DNAAF4: variants seen among roughly 807,000 people sequenced by gnomAD.
The protein encoded by DNAAF4 is dynein axonemal assembly factor 4.
A neutral mutation model predicts 51.8 loss-of-function variants in DNAAF4; 43 were observed. The ratio of observed to expected loss-of-function variants is 0.83; its 90% CI spans 0.65 to 1.07. The LOEUF is 1.07. Among genes scored for constraint, DNAAF4 ranks in the 50% least tolerant of loss-of-function variants. The pLI, the probability that DNAAF4 is intolerant of heterozygous loss-of-function variation, is 0.00. For missense variants in DNAAF4, 581 were observed against 493.0 expected, an observed-to-expected ratio of 1.18 and a Z score of -1.69; for synonymous variants, 194 against 165.6, an observed-to-expected ratio of 1.17 and a Z score of -1.32.
At chr15:55,418,499 A>C (rs200637258) in intron 7 of DNAAF4, 3 of 1,528,026 alleles carry the variant, frequency 2.0e-6, no homozygotes, top group Non-Finnish European at 2.6e-6. Flanking sequence ...ATTTTATCAA[A>C]ATAACACTCT....
rs576406657 is a variant in DNAAF4, at chr15:55,455,830, G to C, written c.638-5463C>G. ...AGGTTTCAGATGCAGACCAGATCTG[G>C]GTTCAAATCCCACAAGTTTACTTAT... On this transcript the variant is annotated intron_variant, in intron 5 of 9. Coordinates refer to ENST00000321149, the MANE Select transcript of DNAAF4 (RefSeq NM_130810.4). 5.3e-5 allele frequency among the ~76,000 whole-genome samples: 8 copies of C among 152,018 alleles called. No homozygotes were observed. In the South Asian group the frequency reaches 1.7e-3, roughly 32 times the overall value.
intron 5 of DNAAF4, among the ~76,000 whole-genome samples, chr15:55,460,472 G>A (rs946902664): frequency 3.3e-5 from 5 of 151,934 alleles, no homozygotes; most frequent in African/African-American, 7.2e-5. Flanking sequence ...GAGCCACCGC[G>A]CCCGGCCGGA....
rs2058053088 is a variant in DNAAF4, at chr15:55,458,665, C to T, written c.637+8265G>A. On this transcript the variant is annotated intron_variant, in intron 5 of 9. Coordinates refer to ENST00000321149, the MANE Select transcript of DNAAF4 (RefSeq NM_130810.4). ...TCCATGGTCTTGCTAGAGATCTAGA[C>T]ATCCAAATACAAGAAGCTCAAAGAA... Among the ~76,000 whole-genome samples the T allele has an allele frequency of 2.0e-5, 3 of 152,252 alleles. No individual in the cohort carries two copies. The South Asian group carries it at 6.2e-4, about 32-fold the overall frequency.
chr15:55,494,583 T>C (rs762529694), intron 3 of DNAAF4, among the ~76,000 whole-genome samples: 1 of 151,970 alleles, frequency 6.6e-6, no homozygotes, highest in Admixed American at 6.6e-5. Context: ...GACGAAGTTT[T>C]GTATTTTTAG....
intron 4 of DNAAF4, among the ~76,000 whole-genome samples, chr15:55,470,171 C>G (rs894749254): frequency 6.6e-6 from 1 of 152,048 alleles, no homozygotes; most frequent in Non-Finnish European, 1.5e-5. Flanking sequence ...CCTGCCTCAG[C>G]CTCCTGAGTA....
chr15:55,483,832 G>GTTTT (rs2058445678), intron 4 of DNAAF4, among the ~76,000 whole-genome samples: 1 of 46,304 alleles, frequency 2.2e-5, no homozygotes, highest in South Asian at 8.1e-4. Context: ...AGCCAATAAA[G>GTTTT]CTTTTTTTTT....
At chr15:55,433,169 G>C (rs375967455) in intron 8 of DNAAF4, among the ~76,000 whole-genome samples, 7 of 152,086 alleles carry the variant, frequency 4.6e-5, no homozygotes, top group Non-Finnish European at 8.8e-5. Flanking sequence ...ATGTGGTAGC[G>C]GGCACCTGTA....
intron 4 of DNAAF4, among the ~76,000 whole-genome samples, chr15:55,468,791 G>C (rs564316866): frequency 1.3e-5 from 2 of 152,212 alleles, no homozygotes; most frequent in African/African-American, 4.8e-5. Flanking sequence ...AAAATAACAG[G>C]AAAGTTCTGG....
At chr15:55,452,750 C>A (rs1046907076) in intron 5 of DNAAF4, among the ~76,000 whole-genome samples, 2 of 152,180 alleles carry the variant, frequency 1.3e-5, no homozygotes, top group Non-Finnish European at 2.9e-5. Flanking sequence ...GCTTCATCAT[C>A]GAACTTAAAG....
At chr15:55,446,505 G>A (rs148260434) in intron 6 of DNAAF4, among the ~76,000 whole-genome samples, 7,542 of 146,076 alleles carry the variant, frequency 0.052, 286 homozygotes, top group South Asian at 0.094. Context: ...GGGGTGGCCA[G>A]GCAGAGGTGC....
In DNAAF4 at chr15:55,498,363, T is replaced by C. The variant is rs950822060; in HGVS notation, c.-34A>G. 5.7e-6 allele frequency: 9 copies of C among 1,588,848 alleles called. 1 individual carries two copies. ...CAACGGGAGCGGATAGCGCGGCTGGTTGCTTCTTGCGCCTGCTTGGTTGCT... is the reference window on the plus strand; with the variant it reads ...CAACGGGAGCGGATAGCGCGGCTGGCTGCTTCTTGCGCCTGCTTGGTTGCT... On this transcript the variant is annotated 5_prime_UTR_variant, in exon 2 of 10. Transcript: ENST00000321149.
At chr15:55,487,335 A>C (rs1446385951) in intron 4 of DNAAF4, among the ~76,000 whole-genome samples, 1 of 152,110 alleles carries the variant, frequency 6.6e-6, no homozygotes, top group Non-Finnish European at 1.5e-5. Context: ...AAATGCACCA[A>C]TCAGTGCTCT....
At chr15:55,457,450 G>A (rs2058037009) in intron 5 of DNAAF4, among the ~76,000 whole-genome samples, 2 of 152,108 alleles carry the variant, frequency 1.3e-5, no homozygotes, top group Admixed American at 6.5e-5. Flanking sequence ...GCCCCCACCT[G>A]ATGGGGCAAG....
chr15:55,423,823 T>G (rs951911851), intron 7 of DNAAF4, among the ~76,000 whole-genome samples: 3 of 152,146 alleles, frequency 2.0e-5, no homozygotes, highest in Admixed American at 1.3e-4. Flanking sequence ...GCACAGTGTC[T>G]CACACCTGTA....
rs2057513916 is a variant in DNAAF4, at chr15:55,432,615, A to G, written c.1048-13T>C. The G allele has an allele frequency of 1.3e-6, 2 of 1,588,226 alleles. No homozygotes were observed. Among genetic ancestry groups the G allele is most frequent in the South Asian group, 1.1e-5 (1 of 87,538 alleles). ...ATAATTCCAGTGCCTTACAAAATATATATAATTATTACAAGAAAGTTATAG... is the reference window on the plus strand; with the variant it reads ...ATAATTCCAGTGCCTTACAAAATATGTATAATTATTACAAGAAAGTTATAG... On this transcript the variant is annotated splice_polypyrimidine_tract_variant and intron_variant, in intron 8 of 9. Coordinates refer to ENST00000321149, the MANE Select transcript of DNAAF4 (RefSeq NM_130810.4).
At chr15:55,452,103 T>C (rs2057941828) in intron 5 of DNAAF4, among the ~76,000 whole-genome samples, 1 of 150,650 alleles carries the variant, frequency 6.6e-6, no homozygotes, top group Non-Finnish European at 1.5e-5. Context: ...AAAAAATTAG[T>C]CAGGGGTGGT....
chr15:55,488,455 AAC>A (rs765954529), intron 4 of DNAAF4, among the ~76,000 whole-genome samples: 4 of 152,228 alleles, frequency 2.6e-5, no homozygotes, highest in Admixed American at 6.5e-5. Flanking sequence ...TTCTTTTCTT[AAC>A]AGTGTCTAGG....
At chr15:55,501,669 C>T (rs184093898) in intron 1 of DNAAF4, among the ~76,000 whole-genome samples, 7 of 152,030 alleles carry the variant, frequency 4.6e-5, no homozygotes, top group South Asian at 2.1e-4. Context: ...GCCACCACGC[C>T]GGGCCAGGAT....
Position 55,466,925 on chromosome 15 carries a change from T to C in DNAAF4, c.637+5A>G. The C allele has an allele frequency of 6.3e-7, 1 of 1,582,670 alleles. No homozygotes were observed. Among genetic ancestry groups the C allele is most frequent in the Non-Finnish European group, 8.5e-7 (1 of 1,172,864 alleles). On this transcript the variant is annotated splice_donor_5th_base_variant and intron_variant, in intron 5 of 9. Coordinates refer to ENST00000321149, the MANE Select transcript of DNAAF4 (RefSeq NM_130810.4). The stretch of plus-strand genomic sequence containing the variant: ...CACTACTCAAGAAATTCTTAATCAT[T>C]TTACCTTTTGGAGCAAGATTTCTAG...
Sources: allele counts gnomAD v4.1 joint callset (sites outside exome capture counted in the v4.1 genomes callset), GRCh38; gene constraint gnomAD v4.1.1; transcripts MANE v1.5; gene names NCBI Gene and HGNC (gene_info 2026-07-23, HGNC 2026-07-21).